CNKSR2: variants seen among roughly 807,000 people sequenced by gnomAD.
The protein encoded by CNKSR2 is CNK homolog protein 2.
Under a neutral mutation model 84.4 loss-of-function variants are expected in CNKSR2, and 14 were observed. That is an observed-to-expected ratio of 0.17 (90% CI 0.11 to 0.26). The LOEUF (loss-of-function observed/expected upper bound fraction) is 0.26, where lower values mean the gene tolerates loss of function less well. Ranked by LOEUF, CNKSR2 falls within the 10% of genes least tolerant of loss-of-function variation. The probability of loss-of-function intolerance (pLI) is 1.00; values close to 1 mark genes in which losing one functional copy is unlikely to be tolerated. For missense variants in CNKSR2, 485 were observed against 771.2 expected (o/e 0.63, Z 4.40); for synonymous variants, 275 against 277.9 (o/e 0.99, Z 0.10).
chrX:21,442,989 G>C (rs1195266637), intron 4 of CNKSR2, among the ~76,000 whole-genome samples: 1 of 110,036 alleles, frequency 9.1e-6, no homozygotes, highest in Non-Finnish European at 1.9e-5. Flanking sequence ...AGGTACTGGG[G>C]CCTACTCGAG....
intron 8 of CNKSR2, chrX:21,505,599 T>C (rs1201424369): frequency 9.0e-6 from 1 of 111,722 alleles, no homozygotes; most frequent in Non-Finnish European, 1.9e-5. Flanking sequence ...ACTTCATTTA[T>C]GCGTCTCCCT....
intron 13 of CNKSR2, among the ~76,000 whole-genome samples, chrX:21,579,683 A>ATT (rs774474622): frequency 9.0e-6 from 1 of 111,649 alleles, no homozygotes; most frequent in East Asian, 2.8e-4. Context: ...CATCATATAT[A>ATT]TTTTTATAAT....
chrX:21,641,870 A>G (rs2092692710), intron 20 of CNKSR2: 4 of 863,037 alleles, frequency 4.6e-6, no homozygotes, highest in Non-Finnish European at 5.6e-6. Context: ...GCCAATCAAG[A>G]TGGAGCACAG....
chrX:21,393,507 C>T (rs141617428), intron 1 of CNKSR2, among the ~76,000 whole-genome samples: 1 of 112,050 alleles, frequency 8.9e-6, no homozygotes, highest in South Asian at 3.7e-4. Flanking sequence ...GAATTTATCT[C>T]GGGTTAGGTG....
chrX:21,385,142 A>T (rs1330299816), intron 1 of CNKSR2, among the ~76,000 whole-genome samples: 2 of 111,782 alleles, frequency 1.8e-5, no homozygotes, highest in Non-Finnish European at 3.8e-5. Context: ...ATAATATGTA[A>T]TATAGTACAG....
At chrX:21,401,153 A>G (rs1180251266) in intron 1 of CNKSR2, among the ~76,000 whole-genome samples, 1 of 111,298 alleles carries the variant, frequency 9.0e-6, no homozygotes, top group East Asian at 2.8e-4. Context: ...CAATACTAAT[A>G]GTATTAGAAT....
intron 1 of CNKSR2, chrX:21,425,647 T>G (rs1416166431): frequency 2.7e-5 from 3 of 112,009 alleles, no homozygotes; most frequent in Non-Finnish European, 5.6e-5. Flanking sequence ...TAGTTTCAGC[T>G]AATTGCCTTA....
chrX:21,382,651 G>A (rs1244407400), intron 1 of CNKSR2, among the ~76,000 whole-genome samples: 6 of 110,803 alleles, frequency 5.4e-5, no homozygotes, highest in Middle Eastern at 4.8e-3. Context: ...TTTGTTAATT[G>A]GGACGATAAA....
chrX:21,450,594 AAAG>A (rs889146533), intron 4 of CNKSR2, among the ~76,000 whole-genome samples: 6 of 111,968 alleles, frequency 5.4e-5, no homozygotes, highest in African/African-American at 1.9e-4. Context: ...ATCTTGAATT[AAAG>A]AATTAATGTT....
rs758165532 is a variant in CNKSR2, at chrX:21,563,151, C to T, written c.1394-87C>T. On this transcript the variant is annotated intron_variant, in intron 12 of 21. Coordinates refer to ENST00000379510, the MANE Select transcript of CNKSR2 (RefSeq NM_014927.5). ...ATGGGAAAAACTGCAATTACTTTTGCGCCAACCTAATAGCACAATTGAGAA... is the reference window on the plus strand; with the variant it reads ...ATGGGAAAAACTGCAATTACTTTTGTGCCAACCTAATAGCACAATTGAGAA... The T allele has an allele frequency of 6.0e-5, 44 of 734,069 alleles. No homozygotes were observed. In the South Asian group the frequency reaches 1.2e-3, roughly 19 times the overall value. 60.5% of individuals were successfully genotyped at this position (734,069 alleles called of 1,213,427 possible).
intron 13 of CNKSR2, among the ~76,000 whole-genome samples, chrX:21,576,223 G>A (rs1013171791): frequency 8.9e-6 from 1 of 112,144 alleles, no homozygotes; most frequent in African/African-American, 3.2e-5. Context: ...TACAAAATAT[G>A]TTCTCTGATT....
intron 13 of CNKSR2, among the ~76,000 whole-genome samples, chrX:21,564,953 T>C (rs2092225637): frequency 9.0e-6 from 1 of 111,213 alleles, no homozygotes; most frequent in Admixed American, 9.6e-5. Context: ...GTACTCTTAG[T>C]CGTTTGAAAG....
chrX:21,550,608 A>G (rs913325961), intron 11 of CNKSR2, among the ~76,000 whole-genome samples: 1 of 112,569 alleles, frequency 8.9e-6, no homozygotes, highest in African/African-American at 3.2e-5. Flanking sequence ...TTATAAAGAC[A>G]CATGCACACG....
At position 21,556,359 on chromosome X, in the gene CNKSR2, A is replaced by ATACT. The variant is rs765763348; in HGVS notation, c.1304-5108_1304-5105dup. Among the ~76,000 whole-genome samples, 8 of 111,366 alleles carry ATACT rather than the reference A, an allele frequency of 7.2e-5. No individual in the cohort carries two copies. The South Asian group carries it at 3.0e-3, about 42-fold the overall frequency. ...AGAATTCAAGTAACTAAATTAATAA[A>ATACT]TACTTACGTGACTATAATTGTCATG... On this transcript the variant is annotated intron_variant, in intron 11 of 21. Transcript: ENST00000379510.
chrX:21,554,805 T>C (rs902773483), intron 11 of CNKSR2, among the ~76,000 whole-genome samples: 12 of 111,365 alleles, frequency 1.1e-4, no homozygotes, highest in African/African-American at 3.3e-4. Context: ...CACATGCATA[T>C]GTCTTTATAA....
intron 3 of CNKSR2, among the ~76,000 whole-genome samples, chrX:21,437,419 G>GT (rs749717203): frequency 0.024 from 2,049 of 86,489 alleles, 44 homozygotes; most frequent in African/African-American, 0.04. Context: ...TCTCTATGTA[G>GT]TTTTTTTTTT....
chrX:21,404,567 TC>T (rs1981129408), intron 1 of CNKSR2, among the ~76,000 whole-genome samples: 1 of 109,253 alleles, frequency 9.2e-6, no homozygotes, highest in Non-Finnish European at 1.9e-5. Context: ...GGCGGGCGGA[TC>T]ATTTGAAGTC....
At chrX:21,462,146 A>T (rs768713667) in intron 4 of CNKSR2, among the ~76,000 whole-genome samples, 106 of 111,727 alleles carry the variant, frequency 9.5e-4, no homozygotes, top group Non-Finnish European at 1.8e-3. Flanking sequence ...ACATTTTCAG[A>T]ATATTGATTA....
chrX:21,442,488 A>G (rs755763906), intron 4 of CNKSR2, among the ~76,000 whole-genome samples: 2 of 111,860 alleles, frequency 1.8e-5, no homozygotes, highest in East Asian at 2.8e-4. Context: ...CACAAAAATG[A>G]TGAATTAGAT....
Sources: allele counts gnomAD v4.1 joint callset (sites outside exome capture counted in the v4.1 genomes callset), GRCh38; gene constraint gnomAD v4.1.1; transcripts MANE v1.5; gene names NCBI Gene and HGNC (gene_info 2026-07-23, HGNC 2026-07-21).